The following GAREM1 variants were observed in gnomAD, a reference collection of about 807,000 sequenced individuals.
The protein encoded by GAREM1 is GRB2 associated regulator of MAPK1 subtype 1, also known as GRB2-associated and regulator of MAPK protein 1.
A neutral mutation model predicts 71.3 loss-of-function variants in GAREM1; 26 were observed. The observed-to-expected ratio is 0.36, with a 90% confidence interval of 0.27 to 0.51. The LOEUF (loss-of-function observed/expected upper bound fraction) is 0.51, where lower values mean the gene tolerates loss of function less well. GAREM1 is among the 20% of genes least tolerant of loss of function. The probability of loss-of-function intolerance (pLI) is 0.95; values close to 1 mark genes in which losing one functional copy is unlikely to be tolerated. For synonymous variants in GAREM1, 440 were observed against 433.2 expected (o/e 1.02, Z -0.20); for missense variants, 1,026 against 1,103.1 (o/e 0.93, Z 0.99).
intron 2 of GAREM1, among the ~76,000 whole-genome samples, chr18:32,376,090 T>A (rs1253931564): frequency 6.6e-6 from 1 of 152,218 alleles, no homozygotes; most frequent in African/African-American, 2.4e-5. Context: ...GGATTAATAA[T>A]TTCCAGAGGA....
At chr18:32,395,762 G>A (rs762458822) in intron 1 of GAREM1, among the ~76,000 whole-genome samples, 1 of 152,200 alleles carries the variant, frequency 6.6e-6, no homozygotes. Flanking sequence ...ACAAAAGGCA[G>A]CAGAAACCTC....
chr18:32,398,134 A>C (rs2048276404), intron 1 of GAREM1, among the ~76,000 whole-genome samples: 1 of 152,248 alleles, frequency 6.6e-6, no homozygotes. Context: ...AAGACACAAC[A>C]TACCAGAATC....
chr18:32,306,589 A>G lies in GAREM1; in HGVS notation c.393+3604T>C, dbSNP rs561516050. On this transcript the variant is annotated intron_variant, in intron 3 of 5. Transcript: ENST00000269209. ...ACTCCTGGTTGAGAATCACTGGTAC[A>G]GGTAAACTCAACTAGACCCATGGCT... 1.5e-3 allele frequency among the ~76,000 whole-genome samples: 225 copies of G among 152,290 alleles called. 1 individual carries two copies. The highest frequency in any genetic ancestry group is 2.7e-3 in the Non-Finnish European group (185 of 68,034).
intron 2 of GAREM1, among the ~76,000 whole-genome samples, chr18:32,333,154 A>T (rs777360456): frequency 4.0e-5 from 6 of 151,604 alleles, no homozygotes; most frequent in Non-Finnish European, 7.4e-5. Flanking sequence ...GGAGATGATG[A>T]GAGGGAAAAG....
intron 2 of GAREM1, among the ~76,000 whole-genome samples, chr18:32,347,931 T>C (rs2047711903): frequency 6.6e-6 from 1 of 152,076 alleles, no homozygotes; most frequent in Non-Finnish European, 1.5e-5. Context: ...TGATGAAGAG[T>C]TCAAAAATGG....
chr18:32,329,703 T>TAAAAA lies in GAREM1; in HGVS notation c.263-19385_263-19381dup, dbSNP rs756082703. Among the ~76,000 whole-genome samples, 139 of 78,142 alleles carry TAAAAA rather than the reference T, an allele frequency of 1.8e-3. 5 individuals carry two copies. Among genetic ancestry groups the TAAAAA allele is most frequent in the African/African-American group, 7.5e-3 (133 of 17,704 alleles). 51.3% of individuals were successfully genotyped at this position (78,142 alleles called of 152,430 possible). ...CCTGGGTGACAGAGCGAGACTCCATTAAAAAAAAAAAAAAAAAAAAAAGAT... is the reference window on the plus strand; with the variant it reads ...CCTGGGTGACAGAGCGAGACTCCATTAAAAAAAAAAAAAAAAAAAAAAAAAAAGAT... On this transcript the variant is annotated intron_variant, in intron 2 of 5. Coordinates refer to ENST00000269209, the MANE Select transcript of GAREM1 (RefSeq NM_001242409.2).
intron 2 of GAREM1, among the ~76,000 whole-genome samples, chr18:32,336,058 A>G (rs111335200): frequency 3.6e-4 from 55 of 152,286 alleles, no homozygotes; most frequent in African/African-American, 1.3e-3. Context: ...GCCCTTCCCC[A>G]AGTAATGTAT....
chr18:32,309,132 C>T (rs1434287252), intron 3 of GAREM1, among the ~76,000 whole-genome samples: 3 of 150,124 alleles, frequency 2.0e-5, no homozygotes, highest in Non-Finnish European at 4.4e-5. Flanking sequence ...GAGAAAACCC[C>T]TTCAATGTGA....
intron 1 of GAREM1, among the ~76,000 whole-genome samples, chr18:32,428,651 C>A (rs1412288960): frequency 6.6e-6 from 1 of 152,160 alleles, no homozygotes; most frequent in Non-Finnish European, 1.5e-5. Flanking sequence ...CCAATTAGAC[C>A]TCTTTTTTAA....
In GAREM1 at chr18:32,265,976, T is replaced by C. The variant is rs1000482850; in HGVS notation, c.*1895A>G. 6.6e-6 allele frequency: 1 copy of C among 152,222 alleles called. No individual in the cohort carries two copies. Among genetic ancestry groups the C allele is most frequent in the African/African-American group, 2.4e-5 (1 of 41,462 alleles). The allele number at this position is 152,222 out of a possible 1,614,324, so 9.4% of individuals were successfully genotyped here. On this transcript the variant is annotated 3_prime_UTR_variant, in exon 6 of 6. Coordinates refer to ENST00000269209, the MANE Select transcript of GAREM1 (RefSeq NM_001242409.2). ...ATGCTTTCAAAACACGAAAGCTTCA[T>C]AGGTCTCATGTCCTGTGAGTGCAGT... is the stretch of plus-strand genomic sequence containing the variant.
intron 1 of GAREM1, among the ~76,000 whole-genome samples, chr18:32,410,257 C>A (rs1024968982): frequency 3.9e-5 from 6 of 152,198 alleles, no homozygotes; most frequent in African/African-American, 1.4e-4. Flanking sequence ...ATTTATTATT[C>A]CACCTGGTAG....
At chr18:32,323,720 T>C (rs1370089245) in intron 2 of GAREM1, among the ~76,000 whole-genome samples, 2 of 152,094 alleles carry the variant, frequency 1.3e-5, no homozygotes, top group African/African-American at 2.4e-5. Flanking sequence ...AATAAACAAA[T>C]AAATAATCAA....
At chr18:32,311,750 A>C (rs1328589130) in intron 2 of GAREM1, among the ~76,000 whole-genome samples, 1 of 152,192 alleles carries the variant, frequency 6.6e-6, no homozygotes, top group Non-Finnish European at 1.5e-5. Context: ...AGGGGAAAGA[A>C]AGTTAGAGCA....
intron 1 of GAREM1, among the ~76,000 whole-genome samples, chr18:32,437,821 C>T (rs2048693728): frequency 2.0e-5 from 3 of 152,156 alleles, no homozygotes; most frequent in Admixed American, 6.5e-5. Flanking sequence ...AAGAATGTTT[C>T]CTTTTTAAAT....
At chr18:32,412,464 C>G (rs1271332808) in intron 1 of GAREM1, 2 of 1,591,322 alleles carry the variant, frequency 1.3e-6, no homozygotes. Flanking sequence ...CCCACTGCCA[C>G]CATATCTACC....
At chr18:32,319,142 TA>T (rs1245820416) in intron 2 of GAREM1, among the ~76,000 whole-genome samples, 1 of 152,148 alleles carries the variant, frequency 6.6e-6, no homozygotes, top group Non-Finnish European at 1.5e-5. Flanking sequence ...CAGACAAACT[TA>T]GATGGTTCCA....
intron 2 of GAREM1, among the ~76,000 whole-genome samples, chr18:32,346,116 C>CT (rs1345667721): frequency 1.3e-5 from 2 of 151,930 alleles, no homozygotes; most frequent in African/African-American, 4.8e-5. Flanking sequence ...CCTTTGTGGT[C>CT]TGTTTTTATT....
intron 2 of GAREM1, among the ~76,000 whole-genome samples, chr18:32,349,953 A>T (rs1000225507): frequency 6.6e-6 from 1 of 152,226 alleles, no homozygotes; most frequent in Non-Finnish European, 1.5e-5. Context: ...TGGTAAACTG[A>T]CATCATCATG....
Position 32,470,502 on chromosome 18 carries a change from T to C in GAREM1, c.-74A>G. ...CCACCCGCGCCTCGGCGGCCGCCGCTGCTCGCGCTCGCGGTCTGGGGCGCG... is the reference window on the plus strand; with the variant it reads ...CCACCCGCGCCTCGGCGGCCGCCGCCGCTCGCGCTCGCGGTCTGGGGCGCG... On this transcript the variant is annotated 5_prime_UTR_variant, in exon 1 of 6. Coordinates refer to ENST00000269209, the MANE Select transcript of GAREM1 (RefSeq NM_001242409.2). The surrounding 1 kb of genome is among the most constrained non-coding windows in gnomAD (Gnocchi z 4.4). The C allele has an allele frequency of 9.1e-7, 1 of 1,097,892 alleles. No individual in the cohort carries two copies. Among genetic ancestry groups the C allele is most frequent in the Non-Finnish European group, 1.1e-6 (1 of 892,934 alleles). 68.0% of individuals were successfully genotyped at this position (1,097,892 alleles called of 1,614,324 possible). A position where few individuals can be genotyped will look rare whatever the true frequency, so the allele number is the denominator to read the frequency against.
Sources: gnomAD v4.1 joint callset for allele counts (sites outside exome capture counted in the v4.1 genomes callset) on GRCh38, gnomAD v4.1.1 for gene constraint, Gnocchi (gnomAD v3.1) non-coding constraint, MANE v1.5 for transcripts, NCBI Gene and HGNC (gene_info 2026-07-23, HGNC 2026-07-21) for gene names.